CNTN1: variants seen among roughly 807,000 people sequenced by gnomAD.
CNTN1 encodes the protein contactin 1, also known as contactin-1.
CNTN1 carries 38 observed loss-of-function variants against 126.4 expected under a neutral mutation model. The ratio of observed to expected loss-of-function variants is 0.30; its 90% confidence interval spans 0.23 to 0.39. CNTN1 has a LOEUF of 0.39. Ranked by LOEUF, CNTN1 falls within the 10% of genes least tolerant of loss-of-function variation. The pLI, the probability that CNTN1 is intolerant of heterozygous loss-of-function variation, is 1.00. For missense variants in CNTN1, 1,009 were observed against 1,248.4 expected (o/e 0.81, Z 2.89); for synonymous variants, 413 against 422.6 (o/e 0.98, Z 0.28).
Position 40,863,910 on chromosome 12 carries a change from A to ACCTT in CNTN1, c.-76-44431_-76-44428dup, listed in dbSNP as rs776354943. 7.6e-3 allele frequency among the ~76,000 whole-genome samples: 1,032 copies of ACCTT among 136,462 alleles called. 7 individuals are homozygous for ACCTT. The highest frequency in any genetic ancestry group is 0.011 in the Non-Finnish European group (721 of 65,568). The allele number at this position is 136,462 out of a possible 152,430, so 89.5% of individuals were successfully genotyped here. On this transcript the variant is annotated intron_variant, in intron 1 of 23. Coordinates refer to ENST00000551295, the MANE Select transcript of CNTN1 (RefSeq NM_001843.4). ...GGAGGATTAGGTGGGATCTGGACCGACCTTCCTTCCTTCCTTCCTCCCTCC... is the reference window on the plus strand; with the variant it reads ...GGAGGATTAGGTGGGATCTGGACCGACCTTCCTTCCTTCCTTCCTTCCTCCCTCC...
At chr12:40,719,409 G>C (rs1406400063) in intron 1 of CNTN1, among the ~76,000 whole-genome samples, 2 of 152,126 alleles carry the variant, frequency 1.3e-5, no homozygotes, top group Non-Finnish European at 2.9e-5. Flanking sequence ...AAAAATTGCT[G>C]TATAATTTCT....
chr12:41,008,210 G>A (rs1400899878), intron 17 of CNTN1, among the ~76,000 whole-genome samples: 1 of 152,164 alleles, frequency 6.6e-6, no homozygotes, highest in African/African-American at 2.4e-5. Flanking sequence ...TTTGGAGTTT[G>A]ATTGTTTCTA....
intron 1 of CNTN1, among the ~76,000 whole-genome samples, chr12:40,716,734 G>T (rs932518664): frequency 6.6e-6 from 1 of 152,146 alleles, no homozygotes; most frequent in Non-Finnish European, 1.5e-5. Context: ...ATCTCATTAC[G>T]TAGTTACAGG....
chr12:40,973,157 A>T (rs1170891734), intron 15 of CNTN1, among the ~76,000 whole-genome samples: 1 of 152,112 alleles, frequency 6.6e-6, no homozygotes, highest in African/African-American at 2.4e-5. Context: ...TCTAACTGGG[A>T]TCTAAATTTA....
intron 17 of CNTN1, among the ~76,000 whole-genome samples, chr12:41,004,348 T>C (rs764463957): frequency 6.6e-6 from 1 of 152,236 alleles, no homozygotes; most frequent in Non-Finnish European, 1.5e-5. Flanking sequence ...TGAGGAGTGT[T>C]TTATTTCCAA....
At chr12:40,696,313 C>T (rs778167995) in intron 1 of CNTN1, among the ~76,000 whole-genome samples, 1 of 152,124 alleles carries the variant, frequency 6.6e-6, no homozygotes, top group African/African-American at 2.4e-5. Flanking sequence ...ACTTTCTTTC[C>T]TCTAGTCCAA....
At chr12:40,944,194 A>G in intron 14 of CNTN1, 24 bp downstream of exon 14, 4 of 1,566,970 alleles carry the variant, frequency 2.6e-6, no homozygotes, top group African/African-American at 2.7e-5. Context: ...GTTTCATCTT[A>G]TTAACACCCC....
At chr12:41,058,464 A>G (rs1175976406) in intron 23 of CNTN1, among the ~76,000 whole-genome samples, 1 of 152,156 alleles carries the variant, frequency 6.6e-6, no homozygotes, top group Non-Finnish European at 1.5e-5. Context: ...TGGGAATTTG[A>G]TTTGTTCAAT....
intron 23 of CNTN1, among the ~76,000 whole-genome samples, chr12:41,065,692 C>G (rs1289238107): frequency 6.6e-6 from 1 of 152,108 alleles, no homozygotes; most frequent in Admixed American, 6.5e-5. Context: ...ATTGGGTATT[C>G]CCACTAATAG....
At chr12:40,795,463 G>A (rs1374818583) in intron 1 of CNTN1, among the ~76,000 whole-genome samples, 1 of 151,356 alleles carries the variant, frequency 6.6e-6, no homozygotes, top group Non-Finnish European at 1.5e-5. Flanking sequence ...TTATATGTGT[G>A]TATATGTGAA....
At chr12:40,946,513 T>C (rs946888054) in intron 14 of CNTN1, among the ~76,000 whole-genome samples, 1 of 152,078 alleles carries the variant, frequency 6.6e-6, no homozygotes, top group Non-Finnish European at 1.5e-5. Flanking sequence ...GAAATAGACA[T>C]GGACACCAGC....
chr12:40,906,251 A>G (rs972918985), intron 1 of CNTN1, among the ~76,000 whole-genome samples: 6 of 152,330 alleles, frequency 3.9e-5, no homozygotes, highest in African/African-American at 1.4e-4. Context: ...AGACTGGGCG[A>G]CAGAGAGAGA....
chr12:41,069,397 A>C (rs1253777011), intron 23 of CNTN1, among the ~76,000 whole-genome samples: 1 of 152,184 alleles, frequency 6.6e-6, no homozygotes, highest in African/African-American at 2.4e-5. Flanking sequence ...TCATTGTTTC[A>C]GGAAAAATTA....
intron 1 of CNTN1, among the ~76,000 whole-genome samples, chr12:40,797,929 C>T (rs1940504125): frequency 6.6e-6 from 1 of 151,892 alleles, no homozygotes; most frequent in Non-Finnish European, 1.5e-5. Context: ...TGGGAAATGT[C>T]AAGAGTTCAA....
chr12:40,887,052 C>T (rs1162206324), intron 1 of CNTN1, among the ~76,000 whole-genome samples: 7 of 152,050 alleles, frequency 4.6e-5, no homozygotes, highest in Non-Finnish European at 8.8e-5. Flanking sequence ...GCAATGCAGG[C>T]TCTTTTTTGG....
At chr12:41,025,703 CTTTAA>C (rs1410710180) in intron 21 of CNTN1, among the ~76,000 whole-genome samples, 1 of 152,148 alleles carries the variant, frequency 6.6e-6, no homozygotes, top group African/African-American at 2.4e-5. Flanking sequence ...TTTTTACATG[CTTTAA>C]TTTATAAACC....
chr12:40,951,714 TTAAAAAAAAAAAAAA>T (rs1172820464), intron 14 of CNTN1, among the ~76,000 whole-genome samples: 2 of 79,646 alleles, frequency 2.5e-5, no homozygotes, highest in African/African-American at 1.2e-4. Flanking sequence ...GTCTCAAAAT[TTAAAAAAAAAAAAAA>T]AAAAAAAAAA....
Position 40,826,132 on chromosome 12 carries a change from G to A in CNTN1, c.-76-82225G>A, listed in dbSNP as rs143900677. On this transcript the variant is annotated intron_variant, in intron 1 of 23. Transcript: ENST00000551295. ...TCTAATTCTTACATTTGTAATTATC[G>A]TAGGTTTTGTCAATAATTTAGATTT... is the stretch of plus-strand genomic sequence containing the variant. 1.3e-4 allele frequency among the ~76,000 whole-genome samples: 20 copies of A among 152,062 alleles called. No individual in the cohort carries two copies. The East Asian group carries it at 2.5e-3, about 19-fold the overall frequency.
At chr12:40,970,224 A>G (rs1357356659) in intron 15 of CNTN1, among the ~76,000 whole-genome samples, 2 of 152,056 alleles carry the variant, frequency 1.3e-5, no homozygotes, top group Admixed American at 1.3e-4. Context: ...TCCCTTGGTG[A>G]CTGTTCACAG....
Sources: allele counts gnomAD v4.1 joint callset (sites outside exome capture counted in the v4.1 genomes callset), GRCh38; gene constraint gnomAD v4.1.1; transcripts MANE v1.5; gene names NCBI Gene and HGNC (gene_info 2026-07-23, HGNC 2026-07-21).